The following DPY19L3 variants were observed in gnomAD, a reference collection of about 807,000 sequenced individuals.
DPY19L3 encodes the protein protein C-mannosyl-transferase DPY19L3.
In DPY19L3, 51 loss-of-function variants were observed where a neutral mutation model predicts 92.3. The observed-to-expected ratio is 0.55, with a 90% CI of 0.44 to 0.70. The LOEUF (loss-of-function observed/expected upper bound fraction) is 0.70. DPY19L3 is among the 30% of genes least tolerant of loss of function. The probability of loss-of-function intolerance (pLI) is 0.00; values close to 1 mark genes in which losing one functional copy is unlikely to be tolerated. For synonymous variants in DPY19L3, 309 were observed against 315.2 expected (o/e 0.98, Z 0.21); for missense variants, 706 against 855.9 (o/e 0.82, Z 2.18).
At chr19:32,472,543 T>G (rs1217231931) in intron 16 of DPY19L3, among the ~76,000 whole-genome samples, 2 of 152,134 alleles carry the variant, frequency 1.3e-5, no homozygotes, top group African/African-American at 4.8e-5. Flanking sequence ...TTTTTTTTTT[T>G]TTTTTGCCTT....
rs529826615 is a variant in DPY19L3 at position 32,430,727 on chromosome 19, C to T, written c.238-1989C>T. The stretch of plus-strand genomic sequence containing the variant: ...GCCTCCCAGTAGGCTGAGTCTCAAT[C>T]GATCCCCCTTCCTCAACCTCCCCAG... On this transcript the variant is annotated intron_variant, in intron 3 of 18. Coordinates refer to ENST00000392250, the MANE Select transcript of DPY19L3 (RefSeq NM_001172774.2). 1.3e-3 allele frequency among the ~76,000 whole-genome samples: 204 copies of T among 151,620 alleles called. 1 individual carries two copies. The highest frequency in any genetic ancestry group is 2.2e-3 in the Non-Finnish European group (150 of 67,934).
intron 12 of DPY19L3, among the ~76,000 whole-genome samples, chr19:32,462,805 G>T (rs551317267): frequency 6.6e-6 from 1 of 152,300 alleles, no homozygotes; most frequent in East Asian, 1.9e-4. Flanking sequence ...AATAGAACAT[G>T]AACTAGGTAT....
rs371870621 is a variant in DPY19L3 at position 32,444,491 on chromosome 19, G to A, written c.855+4581G>A. Among the ~76,000 whole-genome samples, 6 of 152,234 alleles carry A rather than the reference G, an allele frequency of 3.9e-5. No homozygotes were observed. The East Asian group carries it at 7.7e-4, about 20-fold the overall frequency. ...CTATAATGAAAAGTCTAACATTCAGGTAATCAGAATCCCAGAAGAAGACAA... is the reference window on the plus strand; with the variant it reads ...CTATAATGAAAAGTCTAACATTCAGATAATCAGAATCCCAGAAGAAGACAA... On this transcript the variant is annotated intron_variant, in intron 8 of 18. Coordinates refer to ENST00000392250, the MANE Select transcript of DPY19L3 (RefSeq NM_001172774.2).
At chr19:32,450,118 A>G (rs1282291619) in intron 8 of DPY19L3, among the ~76,000 whole-genome samples, 3 of 152,214 alleles carry the variant, frequency 2.0e-5, no homozygotes, top group Non-Finnish European at 4.4e-5. Flanking sequence ...ATAAATGTCC[A>G]ATAAACACAG....
intron 8 of DPY19L3, among the ~76,000 whole-genome samples, chr19:32,443,009 C>T (rs1451835800): frequency 6.6e-6 from 1 of 152,122 alleles, no homozygotes; most frequent in Non-Finnish European, 1.5e-5. Context: ...CATCCTGTCC[C>T]CTCTCTATCA....
rs1207571180 is a variant in DPY19L3, at chr19:32,444,208, A to G, written c.855+4298A>G. Among the ~76,000 whole-genome samples, 3 of 152,136 alleles carry G rather than the reference A, an allele frequency of 2.0e-5. No homozygotes were observed. The East Asian group carries it at 5.8e-4, about 29-fold the overall frequency. ...AAAGCTTCATTGAGCAATTACGAAC[A>G]CACTTGAAACAAATGAAAATACAAA... On this transcript the variant is annotated intron_variant, in intron 8 of 18. Transcript: ENST00000392250.
chr19:32,439,224 C>A lies in DPY19L3; in HGVS notation c.709C>A (p.Pro237Thr). Residue 237 changes from proline to threonine, a missense_variant, in exon 7 of 19, where the codon CCT becomes ACT. Transcript: ENST00000392250. ...ITYFLRPNLQ[P>T]LSERLTLLAI... ...ATATTTCCTGAGACCAAACTTACAGCCTCTTTCTGAAGTAAGTGTTTATAA... is the reference window on the plus strand; with the variant it reads ...ATATTTCCTGAGACCAAACTTACAGACTCTTTCTGAAGTAAGTGTTTATAA... The A allele has an allele frequency of 6.2e-7, 1 of 1,612,156 alleles. No homozygotes were observed. The highest frequency in any genetic ancestry group is 1.1e-5 in the South Asian group (1 of 90,744).
Position 32,408,405 on chromosome 19 carries a change from A to AACCC in DPY19L3, c.103+49_103+50insACCC, listed in dbSNP as rs781510947. 3.6e-6 allele frequency: 5 copies of AACCC among 1,385,808 alleles called. No individual in the cohort carries two copies. The Admixed American group carries it at 5.5e-5, about 15-fold the overall frequency. 85.8% of individuals were successfully genotyped at this position (1,385,808 alleles called of 1,614,324 possible). On this transcript the variant is annotated intron_variant, in intron 2 of 18. Coordinates refer to ENST00000392250, the MANE Select transcript of DPY19L3 (RefSeq NM_001172774.2). ...CAATTTGGGTTGCTTTTATTTCTGC[A>AACCC]TATTAAAATGTCACTCTCCAATAGG...
At chr19:32,454,906 T>G (rs924556019) in intron 9 of DPY19L3, 33 bp from the exon 10 acceptor site, 2 of 1,370,062 alleles carry the variant, frequency 1.5e-6, no homozygotes, top group Non-Finnish European at 2.0e-6. Context: ...TATTAAAACT[T>G]AAGAATTAAA....
chr19:32,426,038 G>T (rs1231439063), intron 3 of DPY19L3, among the ~76,000 whole-genome samples: 1 of 152,182 alleles, frequency 6.6e-6, no homozygotes, highest in Non-Finnish European at 1.5e-5. Context: ...TTTAATGTAG[G>T]CACCTTCATC....
chr19:32,416,285 C>T (rs1968374693), intron 3 of DPY19L3, among the ~76,000 whole-genome samples: 1 of 152,210 alleles, frequency 6.6e-6, no homozygotes, highest in Admixed American at 6.5e-5. Flanking sequence ...GCTGCTTGCT[C>T]TCCTTAGCAG....
chr19:32,452,247 A>C (rs1157739042), intron 8 of DPY19L3, among the ~76,000 whole-genome samples: 1 of 152,192 alleles, frequency 6.6e-6, no homozygotes, highest in Non-Finnish European at 1.5e-5. Flanking sequence ...GCTGGTTTGC[A>C]CCAGAATCGG....
At chr19:32,436,304 G>A in intron 4 of DPY19L3, 142 bp from the exon 5 acceptor site, 1 of 423,268 alleles carries the variant, frequency 2.4e-6, no homozygotes, top group Non-Finnish European at 4.0e-6. Flanking sequence ...TTGAGGGCAG[G>A]AGTATGTTTT....
rs979183733 is a variant in DPY19L3 at position 32,417,650 on chromosome 19, C to T, written c.237+6278C>T. On this transcript the variant is annotated intron_variant, in intron 3 of 18. Coordinates refer to ENST00000392250, the MANE Select transcript of DPY19L3 (RefSeq NM_001172774.2). Reference sequence around the variant, plus strand: ...GATGGTTTTATAGAGGGGAGTTCCCCGTCACACACTGTCTGCCTGCCGCCA... The same window carrying T: ...GATGGTTTTATAGAGGGGAGTTCCCTGTCACACACTGTCTGCCTGCCGCCA... 3.3e-5 allele frequency among the ~76,000 whole-genome samples: 5 copies of T among 152,132 alleles called. No homozygotes were observed. In the East Asian group the frequency reaches 5.8e-4, roughly 18 times the overall value.
rs1336216560 is a variant in DPY19L3, at chr19:32,405,847, C to T, written c.-100C>T. 6.6e-6 allele frequency: 1 copy of T among 152,118 alleles called. No homozygotes were observed. The highest frequency in any genetic ancestry group is 1.5e-5 in the Non-Finnish European group (1 of 68,074). The allele number at this position is 152,118 out of a possible 1,614,324, so 9.4% of individuals were successfully genotyped here. A position where few individuals can be genotyped will look rare whatever the true frequency, so the allele number is the denominator to read the frequency against. ...GCGGCCCGTGGCGCGGCCCCGTTCC[C>T]GCCTAGCCCCGTCGGCCTCCTTCCC... On this transcript the variant is annotated 5_prime_UTR_variant, in exon 1 of 19. Transcript: ENST00000392250.
chr19:32,431,872 A>G (rs566236149), intron 3 of DPY19L3, among the ~76,000 whole-genome samples: 9 of 152,296 alleles, frequency 5.9e-5, no homozygotes, highest in Non-Finnish European at 1.3e-4. Context: ...TTATTCGTAC[A>G]TAAGTACTTA....
At chr19:32,461,497 T>C (rs1970039328) in intron 12 of DPY19L3, among the ~76,000 whole-genome samples, 1 of 152,208 alleles carries the variant, frequency 6.6e-6, no homozygotes, top group South Asian at 2.1e-4. Context: ...TTTTCACACC[T>C]TGCCCTGTTG....
intron 8 of DPY19L3, among the ~76,000 whole-genome samples, chr19:32,440,862 T>C (rs1254362712): frequency 6.6e-6 from 1 of 152,106 alleles, no homozygotes; most frequent in Non-Finnish European, 1.5e-5. Flanking sequence ...GAGAAGTGTT[T>C]ACAGAAGTAA....
intron 3 of DPY19L3, among the ~76,000 whole-genome samples, chr19:32,420,605 G>A (rs980858694): frequency 6.6e-6 from 1 of 151,830 alleles, no homozygotes; most frequent in African/African-American, 2.4e-5. Flanking sequence ...GCGCACCACC[G>A]TGCCCAGCTA....
Sources: allele counts gnomAD v4.1 joint callset (sites outside exome capture counted in the v4.1 genomes callset), GRCh38; gene constraint gnomAD v4.1.1; transcripts MANE v1.5; gene names NCBI Gene and HGNC (gene_info 2026-07-23, HGNC 2026-07-21).